Variants in PHLPP1 observed in about 807,000 individuals in gnomAD.
PHLPP1 encodes the protein PH domain and leucine rich repeat protein phosphatase 1.
PHLPP1 carries 42 observed loss-of-function variants against 117.2 expected under a neutral mutation model. That is an observed-to-expected ratio of 0.36 (90% CI 0.28 to 0.46). The LOEUF is 0.46. PHLPP1 is among the 20% of genes least tolerant of loss of function. The pLI is 1.00. For missense variants in PHLPP1, 2,084 were observed against 2,241.9 expected, an observed-to-expected ratio of 0.93 and a Z score of 1.42; for synonymous variants, 1,042 against 970.7, an observed-to-expected ratio of 1.07 and a Z score of -1.37.
chr18:62,716,545 C>T lies in PHLPP1; in HGVS notation c.862C>T (p.Pro288Ser). Residue 288 changes from proline (P) to serine (S), a missense_variant, in exon 1 of 17, where the codon CCG (proline) becomes TCG (serine). Pro to Ser is a moderately conservative substitution (Grantham distance 74). This residue lies in a region of PHLPP1 where 719 missense variants were observed against 636.0 expected (regional missense o/e 1.13). Transcript: ENST00000262719. This position sits in a 1 kb window ranked among gnomAD's most constrained non-coding sequence, Gnocchi z 5.7. The stretch of plus-strand genomic sequence containing the variant: ...GGAGGTACCGCCCGCGAGGAGCGCG[C>T]CGGGTGCCTTCGGGGGGCCTCCGCG... ...DSEVPPARSA[P>S]GAFGGPPRAP... is the part of the protein sequence containing the mutation. 6 of 1,182,372 alleles carry T rather than the reference C, an allele frequency of 5.1e-6. No individual in the cohort carries two copies. The highest frequency in any genetic ancestry group is 6.3e-6 in the Non-Finnish European group (6 of 956,752). 73.2% of individuals were successfully genotyped at this position (1,182,372 alleles called of 1,614,324 possible).
At chr18:62,733,844 C>G (rs1157299566) in intron 1 of PHLPP1, among the ~76,000 whole-genome samples, 1 of 152,134 alleles carries the variant, frequency 6.6e-6, no homozygotes, top group Non-Finnish European at 1.5e-5. Context: ...AGGAGCAACT[C>G]TAAATTATTG....
intron 3 of PHLPP1, among the ~76,000 whole-genome samples, chr18:62,855,304 G>A (rs1038150908): frequency 1.3e-5 from 2 of 152,144 alleles, no homozygotes; most frequent in Admixed American, 1.3e-4. Context: ...TTTCAGGCAG[G>A]ATCTCAGTTT....
intron 12 of PHLPP1, among the ~76,000 whole-genome samples, chr18:62,947,997 C>G (rs563541309): frequency 6.6e-6 from 1 of 151,658 alleles, no homozygotes; most frequent in African/African-American, 2.4e-5. Flanking sequence ...TGCACTCCAG[C>G]CTGGGCAACA....
At chr18:62,919,351 A>G (rs1167608642) in intron 9 of PHLPP1, among the ~76,000 whole-genome samples, 1 of 152,224 alleles carries the variant, frequency 6.6e-6, no homozygotes, top group Non-Finnish European at 1.5e-5. Context: ...AAAACAGTGG[A>G]TTAAGTACAT....
At chr18:62,948,545 C>A (rs1910363466) in intron 12 of PHLPP1, among the ~76,000 whole-genome samples, 1 of 152,042 alleles carries the variant, frequency 6.6e-6, no homozygotes, top group Non-Finnish European at 1.5e-5. Flanking sequence ...AAATGGTTTC[C>A]ATTTTTTTGC....
At chr18:62,878,753 A>C (rs1380234568) in intron 4 of PHLPP1, among the ~76,000 whole-genome samples, 2 of 152,104 alleles carry the variant, frequency 1.3e-5, no homozygotes, top group Non-Finnish European at 2.9e-5. Flanking sequence ...AAACTTTGTC[A>C]GAATGCATAT....
intron 1 of PHLPP1, among the ~76,000 whole-genome samples, chr18:62,749,556 C>T (rs1911780909): frequency 6.6e-6 from 1 of 152,172 alleles, no homozygotes; most frequent in African/African-American, 2.4e-5. Flanking sequence ...TTCGTTTTCT[C>T]CACAGTCTGG....
chr18:62,834,506 A>G (rs1914837305), intron 2 of PHLPP1, among the ~76,000 whole-genome samples: 1 of 152,178 alleles, frequency 6.6e-6, no homozygotes, highest in African/African-American at 2.4e-5. Context: ...TCCTTGAGAA[A>G]TACTACTGTT....
chr18:62,832,772 G>T (rs1280243229), intron 2 of PHLPP1, among the ~76,000 whole-genome samples: 1 of 150,802 alleles, frequency 6.6e-6, no homozygotes, highest in Non-Finnish European at 1.5e-5. Flanking sequence ...CTGTTCTATT[G>T]TTAAAGAAAA....
chr18:62,892,082 CTTTTTTTTTTTTTT>C (rs200141250), intron 4 of PHLPP1, among the ~76,000 whole-genome samples: 2 of 107,968 alleles, frequency 1.9e-5, no homozygotes, highest in Non-Finnish European at 3.5e-5. Flanking sequence ...TTCTTTCTTT[CTTTTTTTTTTTTTT>C]TTTTTTTTTT....
At chr18:62,722,149 A>G (rs900850897) in intron 1 of PHLPP1, among the ~76,000 whole-genome samples, 4 of 152,314 alleles carry the variant, frequency 2.6e-5, no homozygotes, top group African/African-American at 7.2e-5. Flanking sequence ...AATATCTTCT[A>G]TTTCACGTGA....
intron 1 of PHLPP1, among the ~76,000 whole-genome samples, chr18:62,734,270 G>A (rs1169283098): frequency 2.0e-5 from 3 of 152,042 alleles, no homozygotes; most frequent in Non-Finnish European, 4.4e-5. Context: ...TGATGATTTG[G>A]TCATGACCTG....
At chr18:62,826,480 A>G (rs988275841) in intron 1 of PHLPP1, among the ~76,000 whole-genome samples, 5 of 152,192 alleles carry the variant, frequency 3.3e-5, no homozygotes, top group Admixed American at 6.5e-5. Flanking sequence ...TCCTTGGACT[A>G]CATTTTTAGA....
intron 4 of PHLPP1, among the ~76,000 whole-genome samples, chr18:62,870,612 G>C (rs1379443400): frequency 2.6e-5 from 4 of 152,080 alleles, no homozygotes; most frequent in African/African-American, 9.7e-5. Flanking sequence ...TACAATGTTA[G>C]GACAAATAAC....
chr18:62,966,627 C>T (rs928661583), intron 14 of PHLPP1, among the ~76,000 whole-genome samples: 7 of 151,928 alleles, frequency 4.6e-5, no homozygotes, highest in Admixed American at 2.0e-4. Flanking sequence ...CCCGCCACCA[C>T]GCCCGGCTAA....
chr18:62,960,889 G>A (rs1052900677), intron 13 of PHLPP1, among the ~76,000 whole-genome samples: 6 of 152,130 alleles, frequency 3.9e-5, no homozygotes, highest in African/African-American at 9.7e-5. Context: ...AAGATTTTCC[G>A]TATATTATTT....
chr18:62,971,689 G>A (rs1041736447), intron 14 of PHLPP1, among the ~76,000 whole-genome samples: 7 of 152,108 alleles, frequency 4.6e-5, no homozygotes, highest in African/African-American at 1.7e-4. Flanking sequence ...TTACTGACCT[G>A]TGCTCTTATT....
At chr18:62,746,730 C>T (rs1240132939) in intron 1 of PHLPP1, among the ~76,000 whole-genome samples, 1 of 151,210 alleles carries the variant, frequency 6.6e-6, no homozygotes, top group Non-Finnish European at 1.5e-5. Context: ...TGATCCACAA[C>T]CTGGCGCGTG....
At position 62,716,715 on chromosome 18, in the gene PHLPP1, C is replaced by T. The variant is rs1358292146; in HGVS notation, c.1032C>T (p.Val344=). The T allele has an allele frequency of 8.0e-6, 12 of 1,500,778 alleles. No individual in the cohort carries two copies. The highest frequency in any genetic ancestry group is 7.4e-5 in the South Asian group (6 of 80,906). 93.0% of individuals were successfully genotyped at this position (1,500,778 alleles called of 1,614,324 possible). A position where few individuals can be genotyped will look rare whatever the true frequency, so the allele number is the denominator to read the frequency against. ...VSSPRAPRPV[V]SDTESFSLSP... ...CGCCCCGCGCCCCACGGCCTGTGGT[C>T]TCCGACACCGAGAGCTTCAGTCTGA... is the stretch of plus-strand genomic sequence containing the variant. The change falls in exon 1 of 17, where the codon GTC becomes GTT. Residue 344 remains valine, a synonymous_variant. Transcript: ENST00000262719. This position sits in a 1 kb window ranked among gnomAD's most constrained non-coding sequence, Gnocchi z 5.7.
Sources: gnomAD v4.1 joint callset for allele counts (sites outside exome capture counted in the v4.1 genomes callset) on GRCh38, gnomAD v4.1.1 for gene constraint, gnomAD v4.1.1 regional missense constraint, Gnocchi (gnomAD v3.1) non-coding constraint, MANE v1.5 for transcripts, NCBI Gene and HGNC (gene_info 2026-07-23, HGNC 2026-07-21) for gene names.